Variants in RAB37 observed in about 807,000 individuals in gnomAD.
RAB37 encodes RAB37, member RAS oncogene family, also known as ras-related protein Rab-37.
RAB37 carries 29 observed loss-of-function variants against 33.1 expected under a neutral mutation model. That is an observed-to-expected ratio of 0.88 (90% CI 0.65 to 1.20). The LOEUF is 1.20. Ranked by LOEUF, RAB37 falls within the 50% of genes most tolerant of loss-of-function variation. The probability of loss-of-function intolerance (pLI) is 0.00; values close to 1 mark genes in which losing one functional copy is unlikely to be tolerated. For synonymous variants in RAB37, 128 were observed against 119.5 expected (o/e 1.07, Z -0.47); for missense variants, 299 against 301.1 (o/e 0.99, Z 0.05).
intron 1 of RAB37, chr17:74,695,845 C>T: frequency 6.2e-7 from 1 of 1,613,790 alleles, no homozygotes; most frequent in Non-Finnish European, 8.5e-7. Flanking sequence ...GGTCGCCCTC[C>T]AGGGGCTGCA....
chr17:74,717,390 C>A (rs539043746), intron 1 of RAB37, among the ~76,000 whole-genome samples: 3 of 152,294 alleles, frequency 2.0e-5, no homozygotes, highest in South Asian at 4.1e-4. Context: ...AAGTTTGTGT[C>A]TCTCGAATTT....
intron 1 of RAB37, among the ~76,000 whole-genome samples, chr17:74,681,586 G>A (rs1451166628): frequency 6.6e-6 from 1 of 152,168 alleles, no homozygotes; most frequent in Non-Finnish European, 1.5e-5. Context: ...TGACAGTGTG[G>A]CACACAAAGA....
chr17:74,700,194 AAAAT>A (rs779862060), intron 1 of RAB37, among the ~76,000 whole-genome samples: 3 of 151,848 alleles, frequency 2.0e-5, no homozygotes, highest in Admixed American at 6.6e-5. Flanking sequence ...CAATCAAAAT[AAAAT>A]AAATAAATAA....
chr17:74,676,666 A>G lies in RAB37; in HGVS notation c.72+5008A>G, dbSNP rs1409195098. On this transcript the variant is annotated intron_variant, in intron 1 of 7. Transcript: ENST00000340415. The surrounding 1 kb of genome is among the most constrained non-coding windows in gnomAD (Gnocchi z 4.1). Reference sequence around the variant, plus strand: ...AGAACTAGGCTGGTCATTGTCGAGAATATAGACGCAAATGATTCCCACCTT... The same window carrying G: ...AGAACTAGGCTGGTCATTGTCGAGAGTATAGACGCAAATGATTCCCACCTT... Among the ~76,000 whole-genome samples, 3 of 152,324 alleles carry G rather than the reference A, an allele frequency of 2.0e-5. No homozygotes were observed. The highest frequency in any genetic ancestry group is 1.9e-4 in the East Asian group (1 of 5,192).
rs796272081 is a variant in RAB37, at chr17:74,679,067, C to T, written c.72+7409C>T. On this transcript the variant is annotated intron_variant, in intron 1 of 7. Transcript: ENST00000340415. ...CTGAGGTTGCAGTGAGCCGAGATCG[C>T]ACCACTGCACTCCAGCCTGGGCAAC... Among the ~76,000 whole-genome samples the T allele has an allele frequency of 1.9e-4, 29 of 151,066 alleles. 1 individual carries two copies. The highest frequency in any genetic ancestry group is 7.1e-4 in the African/African-American group (29 of 41,058).
chr17:74,683,638 A>C (rs534366502), intron 1 of RAB37, among the ~76,000 whole-genome samples: 2 of 152,196 alleles, frequency 1.3e-5, no homozygotes, highest in Non-Finnish European at 2.9e-5. Context: ...TTTATTTTAT[A>C]TAGCCATTCT....
At chr17:74,675,805 G>A (rs567158221) in intron 1 of RAB37, among the ~76,000 whole-genome samples, 18 of 152,294 alleles carry the variant, frequency 1.2e-4, no homozygotes, top group South Asian at 2.1e-4. Context: ...GGTCCCAATA[G>A]TTGGAGGCTG....
chr17:74,718,074 T>C (rs539105681), intron 1 of RAB37, among the ~76,000 whole-genome samples: 34 of 152,288 alleles, frequency 2.2e-4, no homozygotes, highest in African/African-American at 8.2e-4. Flanking sequence ...GGCAGGCAGA[T>C]CCCTTGAGAT....
chr17:74,696,059 C>T, intron 1 of RAB37: 1 of 1,292,578 alleles, frequency 7.7e-7, no homozygotes, highest in South Asian at 1.4e-5. Context: ...AGCCCCCAGG[C>T]CCTGCAGGGT....
intron 1 of RAB37, among the ~76,000 whole-genome samples, chr17:74,674,550 C>T (rs1007014845): frequency 6.6e-6 from 1 of 152,050 alleles, no homozygotes; most frequent in Non-Finnish European, 1.5e-5. Context: ...TGGTAACACA[C>T]TCCTATAATC....
rs1293924406 is a variant in RAB37, at chr17:74,744,884, C to T, written c.444C>T (p.Ser148=). 4 of 1,614,256 alleles carry T rather than the reference C, an allele frequency of 2.5e-6. No individual in the cohort carries two copies. Among genetic ancestry groups the T allele is most frequent in the Non-Finnish European group, 3.4e-6 (4 of 1,180,038 alleles). Residue 148 remains serine (S), a synonymous_variant, in exon 7 of 9, where the codon AGC becomes AGT. Transcript: ENST00000392613. This position sits in a 1 kb window ranked among gnomAD's most constrained non-coding sequence, Gnocchi z 4.2. The part of the protein sequence containing the change: ...IMLLGNKADM[S]SERVIRSEDG... ...TTTGGGCTTGACAGGCGGATATGAG[C>T]AGCGAAAGAGTGATCCGTTCCGAAG...
upstream of RAB37, among the ~76,000 whole-genome samples, chr17:74,732,559 G>A (rs1296515282): frequency 2.0e-5 from 3 of 151,582 alleles, no homozygotes; most frequent in East Asian, 5.8e-4. Context: ...GTGATTTGAG[G>A]GGTTAGGTGT....
rs1598327908 is a variant in RAB37, at chr17:74,742,325, A to G, written c.246+30A>G. The stretch of plus-strand genomic sequence containing the variant: ...GACCAGAGGCTGGAGTTGGGGAGGG[A>G]GGATGGAGGACCTGCCCTTCCTTCT... On this transcript the variant is annotated intron_variant, in intron 3 of 8. Transcript: ENST00000392613. The surrounding 1 kb of genome is among the most constrained non-coding windows in gnomAD (Gnocchi z 4.0). 6.4e-7 allele frequency: 1 copy of G among 1,561,154 alleles called. No homozygotes were observed. The highest frequency in any genetic ancestry group is 8.8e-7 in the Non-Finnish European group (1 of 1,134,782).
At chr17:74,706,856 G>C (rs1318530642) in intron 1 of RAB37, among the ~76,000 whole-genome samples, 1 of 152,194 alleles carries the variant, frequency 6.6e-6, no homozygotes, top group Non-Finnish European at 1.5e-5. Context: ...GGGGAAAGAA[G>C]CGGGCCCTGT....
intron 1 of RAB37, among the ~76,000 whole-genome samples, chr17:74,673,691 G>A (rs904657756): frequency 1.3e-5 from 2 of 151,906 alleles, no homozygotes; most frequent in African/African-American, 4.8e-5. Flanking sequence ...TTGAGAGTGG[G>A]AACCCATTCC....
At position 74,738,768 on chromosome 17, in the gene RAB37, G is replaced by C. The variant is rs2034541008; in HGVS notation, c.93+1403G>C. Among the ~76,000 whole-genome samples the C allele has an allele frequency of 6.6e-6, 1 of 152,158 alleles. No homozygotes were observed. Among genetic ancestry groups the C allele is most frequent in the Admixed American group, 6.5e-5 (1 of 15,286 alleles). ...CCCAGCCTCCCCGGGCCTGCCCCAGGGGAGTGAGTCCAGGACCCTCTGAGA... is the reference window on the plus strand; with the variant it reads ...CCCAGCCTCCCCGGGCCTGCCCCAGCGGAGTGAGTCCAGGACCCTCTGAGA... On this transcript the variant is annotated intron_variant, in intron 1 of 8. Coordinates refer to ENST00000392613, the MANE Select transcript of RAB37 (RefSeq NM_001006638.3). The surrounding 1 kb of genome is among the most constrained non-coding windows in gnomAD (Gnocchi z 5.0).
At chr17:74,686,044 T>A (rs183212864) in intron 1 of RAB37, among the ~76,000 whole-genome samples, 1 of 151,988 alleles carries the variant, frequency 6.6e-6, no homozygotes, top group Non-Finnish European at 1.5e-5. Flanking sequence ...CTGGGCAGAC[T>A]CTCCTTCACT....
At chr17:74,691,110 G>A (rs930374342) in intron 1 of RAB37, among the ~76,000 whole-genome samples, 2 of 152,060 alleles carry the variant, frequency 1.3e-5, no homozygotes, top group African/African-American at 2.4e-5. Context: ...CAATCCTCAA[G>A]CAATCCTCCT....
At position 74,745,294 on chromosome 17, in the gene RAB37, CTCT is replaced by C. The variant is rs1378184356; in HGVS notation, c.567-6_567-4del. ...AGCCCAGCCCAGCCCAGCCCATTGT[CTCT>C]TCTTCAAGGGAACTGAAATACCGGG... On this transcript the variant is annotated splice_polypyrimidine_tract_variant and intron_variant, in intron 8 of 8. Coordinates refer to ENST00000392613, the MANE Select transcript of RAB37 (RefSeq NM_001006638.3). This position sits in a 1 kb window ranked among gnomAD's most constrained non-coding sequence, Gnocchi z 4.5. 2 of 1,606,076 alleles carry C rather than the reference CTCT, an allele frequency of 1.2e-6. No homozygotes were observed. The highest frequency in any genetic ancestry group is 1.3e-5 in the African/African-American group (1 of 74,674).
Sources: allele counts gnomAD v4.1 joint callset (sites outside exome capture counted in the v4.1 genomes callset), GRCh38; gene constraint gnomAD v4.1.1; non-coding constraint Gnocchi (gnomAD v3.1); transcripts MANE v1.5; gene names NCBI Gene and HGNC (gene_info 2026-07-23, HGNC 2026-07-21).